Variants in MTARC1 observed in about 807,000 individuals in gnomAD.
MTARC1 encodes mitochondrial amidoxime-reducing component 1.
MTARC1 carries 24 observed loss-of-function variants against 33.6 expected under a neutral mutation model. The ratio of observed to expected loss-of-function variants is 0.72; its 90% CI spans 0.52 to 1.01. The LOEUF is 1.01. Ranked by LOEUF, MTARC1 falls within the 50% of genes least tolerant of loss-of-function variation. MTARC1 has a pLI of 0.00. For synonymous variants in MTARC1, 187 were observed against 189.5 expected (o/e 0.99, Z 0.11); for missense variants, 417 against 445.7 (o/e 0.94, Z 0.58).
At chr1:220,813,178 A>T (rs1673189976) in intron 6 of MTARC1, 114 bp from the exon 7 acceptor site, 2 of 1,408,772 alleles carry the variant, frequency 1.4e-6, no homozygotes, top group Middle Eastern at 2.1e-4. Context: ...CTTTGACGGG[A>T]TGGTGCCCTC....
intron 6 of MTARC1, among the ~76,000 whole-genome samples, chr1:220,807,880 G>T (rs1179802174): frequency 4.6e-5 from 7 of 152,064 alleles, no homozygotes; most frequent in Non-Finnish European, 8.8e-5. Context: ...AGCAGGGTGG[G>T]CCAGCGGGAA....
rs983559875 is a variant in MTARC1, at chr1:220,817,130, C to T, written c.*3712C>T. The T allele has an allele frequency of 2.0e-5, 3 of 151,548 alleles. No individual in the cohort carries two copies. The highest frequency in any genetic ancestry group is 7.3e-5 in the African/African-American group (3 of 41,078). The allele number at this position is 151,548 out of a possible 1,614,324, so 9.4% of individuals were successfully genotyped here. On this transcript the variant is annotated 3_prime_UTR_variant, in exon 7 of 7. Transcript: ENST00000366910. ...TCTTCTTTTTTTTGAGACAGTGTCT[C>T]ACTCTGTTGCCAGGCTGGAGTGCAG...
rs1673298539 is a variant in MTARC1 at position 220,817,127 on chromosome 1, T to G, written c.*3709T>G. 1 of 152,136 alleles carries G rather than the reference T, an allele frequency of 6.6e-6. No individual in the cohort carries two copies. The highest frequency in any genetic ancestry group is 2.4e-5 in the African/African-American group (1 of 41,274). The allele number at this position is 152,136 out of a possible 1,614,324, so 9.4% of individuals were successfully genotyped here. A position where few individuals can be genotyped will look rare whatever the true frequency, so the allele number is the denominator to read the frequency against. ...TTTTCTTCTTTTTTTTGAGACAGTG[T>G]CTCACTCTGTTGCCAGGCTGGAGTG... On this transcript the variant is annotated 3_prime_UTR_variant, in exon 7 of 7. Coordinates refer to ENST00000366910, the MANE Select transcript of MTARC1 (RefSeq NM_022746.4).
intron 4 of MTARC1, among the ~76,000 whole-genome samples, chr1:220,800,695 G>T (rs1201487284): frequency 6.6e-6 from 1 of 151,880 alleles, no homozygotes; most frequent in Non-Finnish European, 1.5e-5. Flanking sequence ...ATCTCCATGT[G>T]GATGTCTAAT....
chr1:220,805,331 T>C, intron 6 of MTARC1, 57 bp downstream of exon 6: 1 of 1,566,582 alleles, frequency 6.4e-7, no homozygotes. Context: ...ACGGAAGCAA[T>C]ATTTGTTGCT....
intron 4 of MTARC1, among the ~76,000 whole-genome samples, chr1:220,800,835 GTTC>G (rs1459557028): frequency 6.6e-6 from 1 of 152,024 alleles, no homozygotes; most frequent in East Asian, 1.9e-4. Context: ...ACCACCCCTT[GTTC>G]TTCTCTTTCT....
rs1421403381 is a variant in MTARC1, at chr1:220,815,806, C to A, written c.*2388C>A. ...CAAATGACAGATGTTTGAGATCAGG[C>A]CAAAATATCCACCCTCGGTGGGCAT... On this transcript the variant is annotated 3_prime_UTR_variant, in exon 7 of 7. Coordinates refer to ENST00000366910, the MANE Select transcript of MTARC1 (RefSeq NM_022746.4). 21 of 152,134 alleles carry A rather than the reference C, an allele frequency of 1.4e-4. No homozygotes were observed. Among genetic ancestry groups the A allele is most frequent in the Admixed American group, 1.4e-3 (21 of 15,272 alleles). 9.4% of individuals were successfully genotyped at this position (152,134 alleles called of 1,614,324 possible).
At chr1:220,806,986 A>G (rs953872759) in intron 6 of MTARC1, among the ~76,000 whole-genome samples, 1 of 152,248 alleles carries the variant, frequency 6.6e-6, no homozygotes, top group African/African-American at 2.4e-5. Flanking sequence ...ATTTGCATCA[A>G]CATTCAAAGA....
In MTARC1 at chr1:220,818,196, C is replaced by G. The variant is rs905677832; in HGVS notation, c.*4778C>G. 1.3e-5 allele frequency: 2 copies of G among 152,228 alleles called. No individual in the cohort carries two copies. The highest frequency in any genetic ancestry group is 2.9e-5 in the Non-Finnish European group (2 of 68,036). The allele number at this position is 152,228 out of a possible 1,614,324, so 9.4% of individuals were successfully genotyped here. A position where few individuals can be genotyped will look rare whatever the true frequency, so the allele number is the denominator to read the frequency against. On this transcript the variant is annotated 3_prime_UTR_variant, in exon 7 of 7. Transcript: ENST00000366910. ...TCCCTTGGTCTGCTCTGACCACACT[C>G]TCTTCACAGGAAGAGGCTTGGGCCA...
At chr1:220,800,759 G>A (rs1672769186) in intron 4 of MTARC1, among the ~76,000 whole-genome samples, 1 of 152,126 alleles carries the variant, frequency 6.6e-6, no homozygotes, top group East Asian at 1.9e-4. Flanking sequence ...AAAGCCTGCT[G>A]TGCTGTCTCG....
intron 6 of MTARC1, among the ~76,000 whole-genome samples, chr1:220,808,315 C>T (rs1009474960): frequency 1.3e-5 from 2 of 152,212 alleles, no homozygotes; most frequent in Admixed American, 6.5e-5. Context: ...GCCAGCACAC[C>T]CCCCTGATCT....
chr1:220,801,888 T>A (rs957887810), intron 4 of MTARC1, among the ~76,000 whole-genome samples: 1 of 151,966 alleles, frequency 6.6e-6, no homozygotes, highest in Admixed American at 6.5e-5. Context: ...ACTGTGGCTT[T>A]TCGCTGCCTC....
chr1:220,792,652 GAA>G (rs60569026), intron 2 of MTARC1, among the ~76,000 whole-genome samples: 100 of 117,346 alleles, frequency 8.5e-4, no homozygotes, highest in Middle Eastern at 4.4e-3. Flanking sequence ...GAAATACCAA[GAA>G]AAAAAAAAAA....
At chr1:220,790,924 T>C (rs1672400636) in intron 1 of MTARC1, 2 of 152,212 alleles carry the variant, frequency 1.3e-5, no homozygotes, top group African/African-American at 4.8e-5. Context: ...GTTTAGCAAA[T>C]TGCAGAATGG....
chr1:220,789,963 T>G (rs1558083160), intron 1 of MTARC1, among the ~76,000 whole-genome samples: 2 of 152,296 alleles, frequency 1.3e-5, no homozygotes, highest in Non-Finnish European at 2.9e-5. Context: ...TTTGGGGTGA[T>G]GAAAAGGTTT....
At chr1:220,811,649 A>G (rs1315452263) in intron 6 of MTARC1, among the ~76,000 whole-genome samples, 1 of 152,222 alleles carries the variant, frequency 6.6e-6, no homozygotes, top group East Asian at 1.9e-4. Flanking sequence ...TATAAAAATG[A>G]TGTAAAATTA....
At chr1:220,802,896 TA>T (rs1672858917) in intron 4 of MTARC1, among the ~76,000 whole-genome samples, 1 of 152,228 alleles carries the variant, frequency 6.6e-6, no homozygotes, top group African/African-American at 2.4e-5. Flanking sequence ...TCTCCCGCTC[TA>T]AAAGTTTGTA....
rs1400780741 is a variant in MTARC1, at chr1:220,791,552, G to T, written c.337G>T (p.Val113Phe). 6.2e-7 allele frequency: 1 copy of T among 1,614,140 alleles called. No homozygotes were observed. Among genetic ancestry groups the T allele is most frequent in the Admixed American group, 1.7e-5 (1 of 60,024 alleles). ...TACTGCTCGCCAGGAACCTCGCCTG[G>T]TCCTGATTTCCCTGACCTGCGATGG... The part of the protein sequence containing the change: ...MVTARQEPRL[V>F]LISLTCDGDT... The change falls in exon 2 of 7, where the codon GTC becomes TTC. Residue 113 changes from valine to phenylalanine, a missense_variant. Coordinates refer to ENST00000366910, the MANE Select transcript of MTARC1 (RefSeq NM_022746.4).
At chr1:220,804,953 G>T in intron 4 of MTARC1, 99 bp from the exon 5 acceptor site, 1 of 1,262,146 alleles carries the variant, frequency 7.9e-7, no homozygotes, top group Non-Finnish European at 1.2e-6. Context: ...CACTGATGTG[G>T]GTGACATCGT....
Sources: allele counts gnomAD v4.1 joint callset (sites outside exome capture counted in the v4.1 genomes callset), GRCh38; gene constraint gnomAD v4.1.1; transcripts MANE v1.5; gene names NCBI Gene and HGNC (gene_info 2026-07-23, HGNC 2026-07-21).